FAM185A: variants seen among roughly 807,000 people sequenced by gnomAD.
The protein encoded by FAM185A is protein FAM185A.
In FAM185A, 21 loss-of-function variants were observed where a neutral mutation model predicts 45.7. That is an observed-to-expected ratio of 0.46 (90% CI 0.33 to 0.66). The LOEUF is 0.66. Ranked by LOEUF, FAM185A falls within the 30% of genes least tolerant of loss-of-function variation. The pLI is 0.03. For synonymous variants in FAM185A, 117 were observed against 194.0 expected (o/e 0.60, Z 3.30); for missense variants, 305 against 485.4 (o/e 0.63, Z 3.49).
At chr7:102,834,111 AAAGAAAGAAAGAAAGAAAGAAAG>A in the FAM185A span, among the ~76,000 whole-genome samples, 1 of 114,274 alleles carries the variant, frequency 8.8e-6, no homozygotes, top group African/African-American at 4.3e-5. Context: ...AGAAAGAAAG[AAAGAAAGAAAGAAAGAAAGAAAG>A]AAAGAAAAGA....
chr7:102,844,956 G>A, the FAM185A span, among the ~76,000 whole-genome samples: 3 of 152,174 alleles, frequency 2.0e-5, no homozygotes, highest in African/African-American at 7.2e-5. Context: ...AGATGAAAAG[G>A]TACATAGGGC....
At chr7:102,836,919 A>G in the FAM185A span, among the ~76,000 whole-genome samples, 1 of 152,254 alleles carries the variant, frequency 6.6e-6, no homozygotes, top group Non-Finnish European at 1.5e-5. Context: ...TATTTGCCTC[A>G]TTAGGTCCCA....
At chr7:102,753,357 T>C (rs1456763111) in intron 2 of FAM185A, among the ~76,000 whole-genome samples, 2 of 151,576 alleles carry the variant, frequency 1.3e-5, no homozygotes, top group East Asian at 1.9e-4. Flanking sequence ...ATTAATCTGA[T>C]AGTTCTGAAA....
chr7:102,831,431 A>ACACACACACCCCCCCC, the FAM185A span, among the ~76,000 whole-genome samples: 2 of 147,126 alleles, frequency 1.4e-5, no homozygotes, highest in African/African-American at 5.0e-5. Flanking sequence ...ACACACACAC[A>ACACACACACCCCCCCC]CCCCACTACA....
intron 3 of FAM185A, among the ~76,000 whole-genome samples, chr7:102,759,802 G>A (rs1356558737): frequency 5.3e-5 from 8 of 152,020 alleles, no homozygotes; most frequent in African/African-American, 4.8e-5. Context: ...TTAAAACAAC[G>A]TCTGGCACAT....
downstream of FAM185A, chr7:102,813,313 T>G (rs750606490): frequency 6.4e-7 from 1 of 1,565,134 alleles, no homozygotes; most frequent in African/African-American, 1.4e-5. Flanking sequence ...AGTTCTTGAT[T>G]TTTTGTTCTT....
intron 4 of FAM185A, 107 bp from the exon 5 acceptor site, chr7:102,772,302 A>G: frequency 1.4e-6 from 1 of 690,288 alleles, no homozygotes; most frequent in Non-Finnish European, 2.4e-6. Flanking sequence ...AAAATTGCCA[A>G]CAAAAATAAC....
At chr7:102,779,201 T>G (rs2539259) in intron 6 of FAM185A, among the ~76,000 whole-genome samples, 2 of 152,158 alleles carry the variant, frequency 1.3e-5, no homozygotes, top group Non-Finnish European at 2.9e-5. Flanking sequence ...TGAAGAAGTT[T>G]ATGATGTGAA....
the FAM185A span, among the ~76,000 whole-genome samples, chr7:102,831,959 A>G: frequency 6.6e-6 from 1 of 152,202 alleles, no homozygotes; most frequent in African/African-American, 2.4e-5. Flanking sequence ...TCCATAGTAT[A>G]TTAAAAAGTA....
At chr7:102,797,067 T>C (rs1470135625) in intron 7 of FAM185A, among the ~76,000 whole-genome samples, 2 of 152,240 alleles carry the variant, frequency 1.3e-5, no homozygotes, top group Non-Finnish European at 2.9e-5. Flanking sequence ...ATTTAGTGGA[T>C]AGGCATCATT....
the FAM185A span, among the ~76,000 whole-genome samples, chr7:102,835,603 GTTTT>G: frequency 4.0e-4 from 39 of 97,510 alleles, no homozygotes; most frequent in Non-Finnish European, 6.4e-4. Flanking sequence ...AGGTGACATT[GTTTT>G]TTTTTTTTTT....
downstream of FAM185A, among the ~76,000 whole-genome samples, chr7:102,813,766 A>G (rs185022975): frequency 1.3e-5 from 2 of 152,316 alleles, no homozygotes; most frequent in Admixed American, 6.5e-5. Flanking sequence ...GTGAATGGGT[A>G]AGGAAACTAC....
chr7:102,766,948 C>T (rs1794444690), intron 4 of FAM185A, among the ~76,000 whole-genome samples: 1 of 151,782 alleles, frequency 6.6e-6, no homozygotes, highest in Non-Finnish European at 1.5e-5. Context: ...GCGCCTGCTA[C>T]CACGCCTGGC....
chr7:102,809,231 T>C (rs907683098), downstream of FAM185A: 7 of 152,236 alleles, frequency 4.6e-5, no homozygotes, highest in African/African-American at 1.7e-4. Flanking sequence ...AAGCAGTTGC[T>C]ACTGATTCTT....
the FAM185A span, among the ~76,000 whole-genome samples, chr7:102,834,102 GAAA>G: frequency 2.2e-4 from 22 of 102,036 alleles, no homozygotes; most frequent in Admixed American, 1.1e-3. Flanking sequence ...AAGAAAGAAA[GAAA>G]GAAAGAAAGA....
the FAM185A span, among the ~76,000 whole-genome samples, chr7:102,830,775 T>C: frequency 1.3e-5 from 2 of 152,208 alleles, no homozygotes; most frequent in Admixed American, 6.5e-5. Context: ...GTGTGTACAA[T>C]AGAAGAGAAC....
At chr7:102,772,953 C>A (rs192292367) in intron 5 of FAM185A, among the ~76,000 whole-genome samples, 3 of 151,602 alleles carry the variant, frequency 2.0e-5, no homozygotes, top group African/African-American at 7.3e-5. Context: ...TTCTCTGAGC[C>A]CTGGGAAGAA....
chr7:102,750,888 A>G (rs1793323031), intron 1 of FAM185A, among the ~76,000 whole-genome samples: 1 of 152,086 alleles, frequency 6.6e-6, no homozygotes. Flanking sequence ...TTTGTCCACA[A>G]TCTTGTGGGG....
chr7:102,805,527 G>C (rs1033387751), intron 7 of FAM185A, among the ~76,000 whole-genome samples: 3 of 151,904 alleles, frequency 2.0e-5, no homozygotes, highest in African/African-American at 7.3e-5. Flanking sequence ...TTGGGGACGT[G>C]GGGGAAAGGT....
Sources: allele counts gnomAD v4.1 joint callset (sites outside exome capture counted in the v4.1 genomes callset), GRCh38; gene constraint gnomAD v4.1.1; transcripts MANE v1.5; gene names NCBI Gene and HGNC (gene_info 2026-07-23, HGNC 2026-07-21).